Variants in TRPV5 observed in about 807,000 individuals in gnomAD.
The protein encoded by TRPV5 is transient receptor potential cation channel subfamily V member 5, also known as calcium transport protein 2.
Under a neutral mutation model 74.1 loss-of-function variants are expected in TRPV5, and 66 were observed. The observed-to-expected ratio is 0.89, with a 90% CI of 0.73 to 1.09. The LOEUF is 1.09. Among genes scored for constraint, TRPV5 ranks in the 50% least tolerant of loss-of-function variants. The pLI, the probability that TRPV5 is intolerant of heterozygous loss-of-function variation, is 0.00. For synonymous variants in TRPV5, 399 were observed against 360.7 expected, an observed-to-expected ratio of 1.11 and a Z score of -1.20; for missense variants, 936 against 930.4, an observed-to-expected ratio of 1.01 and a Z score of -0.08.
intron 13 of TRPV5, 69 bp downstream of exon 13, chr7:142,912,413 T>C (rs988542402): frequency 1.9e-6 from 3 of 1,555,428 alleles, no homozygotes; most frequent in Non-Finnish European, 2.6e-6. Context: ...TGATCCACCA[T>C]AACATTTTCC....
At chr7:142,930,323 T>G in intron 2 of TRPV5, 26 bp downstream of exon 2, 1 of 1,611,414 alleles carries the variant, frequency 6.2e-7, no homozygotes, top group Non-Finnish European at 8.5e-7. Context: ...TGCCCCCACC[T>G]CCATCCCATT....
rs1219296870 is a variant in TRPV5, at chr7:142,928,642, G to A, written c.762+49C>T. On this transcript the variant is annotated intron_variant, in intron 6 of 14. Coordinates refer to ENST00000265310, the MANE Select transcript of TRPV5 (RefSeq NM_019841.7). ...TATTTCTCCCAGGGCCAGCAGGATAGGTTGAGGGTCATTAGAAAGACACCT... is the reference window on the plus strand; with the variant it reads ...TATTTCTCCCAGGGCCAGCAGGATAAGTTGAGGGTCATTAGAAAGACACCT... 5.1e-6 allele frequency: 8 copies of A among 1,580,366 alleles called. No homozygotes were observed. In the East Asian group the frequency reaches 1.8e-4, roughly 36 times the overall value.
At chr7:142,913,209 G>A (rs1418162150) in intron 12 of TRPV5, among the ~76,000 whole-genome samples, 2 of 152,122 alleles carry the variant, frequency 1.3e-5, no homozygotes, top group Admixed American at 6.5e-5. Flanking sequence ...AATCTTGATG[G>A]CCTCTAGATA....
intron 8 of TRPV5, among the ~76,000 whole-genome samples, chr7:142,915,955 A>G (rs1162902348): frequency 6.6e-6 from 1 of 152,208 alleles, no homozygotes; most frequent in Admixed American, 6.5e-5. Context: ...CACCTTTTCC[A>G]ACCTCATCAT....
At position 142,930,176 on chromosome 7, in the gene TRPV5, G is replaced by C; in HGVS notation, c.231C>G (p.Ala77=). 6.2e-7 allele frequency: 1 copy of C among 1,612,314 alleles called. No homozygotes were observed. Among genetic ancestry groups the C allele is most frequent in the Non-Finnish European group, 8.5e-7 (1 of 1,179,544 alleles). Residue 77 remains alanine, a synonymous_variant, in exon 3 of 15, where the codon GCC becomes GCG. Transcript: ENST00000265310. ...DCTCDVRQRG[A]LGETALHIAA... ...CTATGTGCAGCGCCGTCTCCCCCAG[G>C]GCTCCTGGATTGGAGTAAGACAGAG...
rs1354137860 is a variant in TRPV5, at chr7:142,928,930, T to C, written c.587-64A>G. ...AAGTCCCTGATGTCCCCATCCCCACTCTGGGGTCTTCCTAAAGGTCCCAGC... is the reference window on the plus strand; with the variant it reads ...AAGTCCCTGATGTCCCCATCCCCACCCTGGGGTCTTCCTAAAGGTCCCAGC... On this transcript the variant is annotated intron_variant, in intron 5 of 14. Coordinates refer to ENST00000265310, the MANE Select transcript of TRPV5 (RefSeq NM_019841.7). 1.9e-6 allele frequency: 3 copies of C among 1,611,666 alleles called. 1 individual carries two copies. Among genetic ancestry groups the C allele is most frequent in the South Asian group, 2.2e-5 (2 of 90,870 alleles).
intron 12 of TRPV5, 92 bp from the exon 13 acceptor site, chr7:142,912,842 A>ATCTT (rs1178949374): frequency 1.3e-6 from 1 of 798,932 alleles, no homozygotes; most frequent in African/African-American, 1.8e-5. Context: ...TCTCTGATCT[A>ATCTT]TCTATCTATC....
chr7:142,921,463 AG>A (rs1172744625), intron 8 of TRPV5, among the ~76,000 whole-genome samples: 3 of 151,952 alleles, frequency 2.0e-5, no homozygotes, highest in Non-Finnish European at 2.9e-5. Flanking sequence ...TTGTATTTTT[AG>A]GAGAGATGGG....
rs796667774 is a variant in TRPV5, at chr7:142,917,069, G to GT, written c.1123-1502dup. Among the ~76,000 whole-genome samples, 227 of 149,462 alleles carry GT rather than the reference G, an allele frequency of 1.5e-3. 1 individual carries two copies. Among genetic ancestry groups the GT allele is most frequent in the African/African-American group, 5.2e-3 (210 of 40,716 alleles). On this transcript the variant is annotated intron_variant, in intron 8 of 14. Coordinates refer to ENST00000265310, the MANE Select transcript of TRPV5 (RefSeq NM_019841.7). ...TTTGTTCTATTTTTTTGTGTGTCTG[G>GT]TTTTTTTTTGTGCGTTTTTTTTGTT...
chr7:142,909,705 C>T (rs562697966), intron 13 of TRPV5, 109 bp from the exon 14 acceptor site: 8 of 1,192,540 alleles, frequency 6.7e-6, no homozygotes, highest in Non-Finnish European at 9.5e-6. Flanking sequence ...AGATAGGACA[C>T]TAGAGGTCAG....
In TRPV5 at chr7:142,925,522, GA is replaced by G; in HGVS notation, c.1122+6del. 1 of 1,614,042 alleles carries G rather than the reference GA, an allele frequency of 6.2e-7. No homozygotes were observed. The highest frequency in any genetic ancestry group is 8.5e-7 in the Non-Finnish European group (1 of 1,179,906). On this transcript the variant is annotated splice_donor_region_variant and intron_variant, in intron 8 of 14. Coordinates refer to ENST00000265310, the MANE Select transcript of TRPV5 (RefSeq NM_019841.7). Reference sequence around the variant, plus strand: ...ATTCTCTCTCATCCCCTTCTGAGGAGAATCACCTGTAGTAGTTTTTGCTGGA... The same window carrying G: ...ATTCTCTCTCATCCCCTTCTGAGGAGATCACCTGTAGTAGTTTTTGCTGGA...
chr7:142,929,117 T>C lies in TRPV5; in HGVS notation c.491A>G (p.Glu164Gly). The change falls in exon 5 of 15, where the codon GAG (glutamate) becomes GGG (glycine). Residue 164 changes from glutamate to glycine, a missense_variant. By Grantham distance (98) the Glu-to-Gly change is moderately conservative (BLOSUM62 -2). Coordinates refer to ENST00000265310, the MANE Select transcript of TRPV5 (RefSeq NM_019841.7). ...HSPRNLIYFG[E>G]HPLSFAACVN... ...ACAGGCAGCAAAGGACAAAGGGTGC[T>C]CCCCTGTGGACACAGAGAGATCCAT... 6.2e-7 allele frequency: 1 copy of C among 1,613,784 alleles called. No homozygotes were observed. Among genetic ancestry groups the C allele is most frequent in the Non-Finnish European group, 8.5e-7 (1 of 1,179,908 alleles).
intron 1 of TRPV5, among the ~76,000 whole-genome samples, chr7:142,931,034 T>TTC (rs1796083394): frequency 6.8e-6 from 1 of 147,974 alleles, no homozygotes; most frequent in Non-Finnish European, 1.5e-5. Flanking sequence ...TTTTTTTTTT[T>TTC]TTTTTTGAGA....
chr7:142,925,971 A>AGGAT lies in TRPV5; in HGVS notation c.910-234_910-231dup, dbSNP rs1376393098. Among the ~76,000 whole-genome samples, 4 of 152,354 alleles carry AGGAT rather than the reference A, an allele frequency of 2.6e-5. No individual in the cohort carries two copies. The East Asian group carries it at 7.7e-4, about 29-fold the overall frequency. ...CACCATAGCACCAAAGAGGATTTAA[A>AGGAT]GGATGAGTAGTAGTTAGATGAGTAA... On this transcript the variant is annotated intron_variant, in intron 7 of 14. Coordinates refer to ENST00000265310, the MANE Select transcript of TRPV5 (RefSeq NM_019841.7).
intron 8 of TRPV5, among the ~76,000 whole-genome samples, chr7:142,918,546 C>G (rs1264405489): frequency 6.6e-6 from 1 of 152,186 alleles, no homozygotes; most frequent in African/African-American, 2.4e-5. Context: ...TAACATCATT[C>G]CTAGCTCCCC....
chr7:142,924,264 A>AAAGG (rs1221975433), intron 8 of TRPV5, among the ~76,000 whole-genome samples: 1 of 119,366 alleles, frequency 8.4e-6, no homozygotes, highest in South Asian at 2.4e-4. Context: ...GTATATATAT[A>AAAGG]CATATATATA....
chr7:142,926,753 T>C (rs1404467360), intron 7 of TRPV5, among the ~76,000 whole-genome samples: 2 of 152,068 alleles, frequency 1.3e-5, no homozygotes, highest in African/African-American at 2.4e-5. Flanking sequence ...ACCAAGGATA[T>C]GTGGTGGCGA....
At chr7:142,928,017 T>C (rs1796014891) in intron 7 of TRPV5, 71 bp downstream of exon 7, 3 of 1,588,130 alleles carry the variant, frequency 1.9e-6, no homozygotes, top group Admixed American at 1.7e-5. Flanking sequence ...AGGATCTTAG[T>C]AAGTGGACAG....
At chr7:142,920,384 G>A (rs2116589297) in intron 8 of TRPV5, among the ~76,000 whole-genome samples, 1 of 151,572 alleles carries the variant, frequency 6.6e-6, no homozygotes, top group South Asian at 2.1e-4. Flanking sequence ...ATCAAAACTG[G>A]AGAGGAGTAT....
Sources: gnomAD v4.1 joint callset for allele counts (sites outside exome capture counted in the v4.1 genomes callset) on GRCh38, gnomAD v4.1.1 for gene constraint, MANE v1.5 for transcripts, NCBI Gene and HGNC (gene_info 2026-07-23, HGNC 2026-07-21) for gene names.